CDH18: variants seen among roughly 807,000 people sequenced by gnomAD.
CDH18 encodes the protein cadherin 18.
CDH18 carries 31 observed loss-of-function variants against 67.9 expected under a neutral mutation model. The ratio of observed to expected loss-of-function variants is 0.46; its 90% CI spans 0.34 to 0.62. The LOEUF is 0.62. Among genes scored for constraint, CDH18 ranks in the 20% least tolerant of loss-of-function variants. The pLI is 0.01. For missense variants in CDH18, 890 were observed against 975.5 expected (o/e 0.91, Z 1.17); for synonymous variants, 362 against 347.2 (o/e 1.04, Z -0.48).
At chr5:19,778,868 C>T (rs1774731605) in intron 3 of CDH18, among the ~76,000 whole-genome samples, 1 of 152,142 alleles carries the variant, frequency 6.6e-6, no homozygotes, top group Non-Finnish European at 1.5e-5. Flanking sequence ...CCTAGCTCTG[C>T]AGCCCCTGTT....
chr5:20,354,901 C>T lies in CDH18; in HGVS notation c.-579-99396G>A, dbSNP rs528376879. Among the ~76,000 whole-genome samples the T allele has an allele frequency of 1.1e-3, 165 of 152,238 alleles. 3 individuals carry two copies. Among genetic ancestry groups the T allele is most frequent in the African/African-American group, 3.9e-3 (162 of 41,538 alleles). On this transcript the variant is annotated intron_variant, in intron 1 of 14. Transcript: ENST00000507958. ...GAAATCAGTTACTTTATGATATCTACAACCCTTCTGCATGAAAGGTATGCT... is the reference window on the plus strand; with the variant it reads ...GAAATCAGTTACTTTATGATATCTATAACCCTTCTGCATGAAAGGTATGCT...
chr5:20,121,321 G>A (rs1315470318), intron 2 of CDH18, among the ~76,000 whole-genome samples: 1 of 152,096 alleles, frequency 6.6e-6, no homozygotes, highest in Non-Finnish European at 1.5e-5. Flanking sequence ...CTACAGGAAG[G>A]ATTAAAGAAA....
intron 2 of CDH18, among the ~76,000 whole-genome samples, chr5:19,994,855 T>TATATAGAGAGAGAGAGAGAGAGAGAG (rs760777430): frequency 7.4e-5 from 5 of 67,584 alleles, no homozygotes; most frequent in African/African-American, 1.5e-4. Flanking sequence ...TATATATATA[T>TATATAGAGAGAGAGAGAGAGAGAGAG]AGAGAGAGAG....
chr5:19,846,219 T>C (rs1432467329), intron 2 of CDH18, among the ~76,000 whole-genome samples: 5 of 152,080 alleles, frequency 3.3e-5, no homozygotes, highest in Non-Finnish European at 5.9e-5. Flanking sequence ...ACAGAAACCT[T>C]CTTATAGTTA....
intron 1 of CDH18, among the ~76,000 whole-genome samples, chr5:20,426,098 T>A (rs78899266): frequency 0.047 from 7,127 of 151,226 alleles, 975 homozygotes; most frequent in African/African-American, 0.17. Context: ...TGAACACAGA[T>A]TACATTATTC....
At chr5:20,543,167 TA>T (rs1327295216) in intron 1 of CDH18, among the ~76,000 whole-genome samples, 6 of 152,068 alleles carry the variant, frequency 3.9e-5, no homozygotes, top group African/African-American at 1.4e-4. Context: ...ATCAAGTTGA[TA>T]AATAGATGGT....
chr5:19,934,100 T>G (rs1331705341), intron 2 of CDH18, among the ~76,000 whole-genome samples: 3 of 150,520 alleles, frequency 2.0e-5, no homozygotes, highest in Non-Finnish European at 4.5e-5. Context: ...ATCCTAGTAC[T>G]TAGGACAACA....
intron 6 of CDH18, among the ~76,000 whole-genome samples, chr5:19,606,517 A>G (rs187679973): frequency 1.3e-5 from 2 of 152,160 alleles, no homozygotes; most frequent in Admixed American, 6.6e-5. Context: ...AAAAATGTCA[A>G]TGCTGAAGTG....
intron 2 of CDH18, among the ~76,000 whole-genome samples, chr5:20,194,255 C>A (rs916814657): frequency 6.6e-6 from 1 of 152,064 alleles, no homozygotes; most frequent in African/African-American, 2.4e-5. Flanking sequence ...TGATAAGCAA[C>A]TTCAGCAAAG....
chr5:19,496,012 G>C (rs1015145894), intron 11 of CDH18, among the ~76,000 whole-genome samples: 4 of 152,104 alleles, frequency 2.6e-5, no homozygotes, highest in Admixed American at 6.6e-5. Flanking sequence ...AAAGACATTT[G>C]TTACATTCAA....
intron 2 of CDH18, among the ~76,000 whole-genome samples, chr5:20,200,922 C>T (rs923560848): frequency 6.6e-6 from 1 of 151,972 alleles, no homozygotes; most frequent in Non-Finnish European, 1.5e-5. Context: ...AAAAATCACT[C>T]CTTTTTCATA....
At position 20,190,790 on chromosome 5, in the gene CDH18, A is replaced by G. The variant is rs528496354; in HGVS notation, c.-518+64654T>C. Among the ~76,000 whole-genome samples, 3 of 152,276 alleles carry G rather than the reference A, an allele frequency of 2.0e-5. No individual in the cohort carries two copies. The East Asian group carries it at 5.8e-4, about 29-fold the overall frequency. On this transcript the variant is annotated intron_variant, in intron 2 of 14. Coordinates refer to the CDH18 transcript ENST00000507958. Reference sequence around the variant, plus strand: ...AGGGAATGAGAGACCTATTACCACCAGCTAAATCTGATACATTTCCTTCCT... The same window carrying G: ...AGGGAATGAGAGACCTATTACCACCGGCTAAATCTGATACATTTCCTTCCT...
At chr5:20,207,278 G>A (rs542014138) in intron 2 of CDH18, among the ~76,000 whole-genome samples, 2 of 151,776 alleles carry the variant, frequency 1.3e-5, no homozygotes, top group Non-Finnish European at 2.9e-5. Flanking sequence ...TTTAGCCAAA[G>A]CAGTGAAAAG....
At position 19,904,492 on chromosome 5, in the gene CDH18, T is replaced by TTAAG. The variant is rs369874056; in HGVS notation, c.-256-65254_-256-65251dup. The stretch of plus-strand genomic sequence containing the variant: ...GGAGAGACACTTGAGGGTATAAGAT[T>TTAAG]TAAGTATCTATGCCTACCTTAGGGA... On this transcript the variant is annotated intron_variant, in intron 2 of 12. Transcript: ENST00000382275. Among the ~76,000 whole-genome samples the TTAAG allele has an allele frequency of 4.0e-3, 602 of 151,796 alleles. 5 individuals carry two copies. Among genetic ancestry groups the TTAAG allele is most frequent in the African/African-American group, 0.014 (579 of 41,418 alleles).
At chr5:20,177,207 G>A (rs1166991317) in intron 2 of CDH18, among the ~76,000 whole-genome samples, 2 of 152,046 alleles carry the variant, frequency 1.3e-5, no homozygotes, top group East Asian at 1.9e-4. Context: ...AAATGCAGTA[G>A]TAACAGTTTC....
chr5:19,912,746 A>G (rs968887605), intron 2 of CDH18, among the ~76,000 whole-genome samples: 5 of 152,178 alleles, frequency 3.3e-5, no homozygotes, highest in Admixed American at 2.0e-4. Context: ...AATGAATCAC[A>G]TCAAATGAAA....
chr5:19,737,656 GGT>G (rs1392156941), intron 4 of CDH18, among the ~76,000 whole-genome samples: 1 of 151,998 alleles, frequency 6.6e-6, no homozygotes, highest in African/African-American at 2.4e-5. Context: ...TTAGAAATCA[GGT>G]TCAATTAAAA....
chr5:19,819,973 C>T (rs1338360488), intron 3 of CDH18, among the ~76,000 whole-genome samples: 1 of 152,116 alleles, frequency 6.6e-6, no homozygotes, highest in Non-Finnish European at 1.5e-5. Context: ...GAGCAGTTTG[C>T]CCCTCCCCAG....
chr5:20,515,524 C>T (rs747133958), intron 1 of CDH18, among the ~76,000 whole-genome samples: 2 of 151,952 alleles, frequency 1.3e-5, no homozygotes, highest in African/African-American at 2.4e-5. Context: ...CACCTAGATA[C>T]GCATTTGTCT....
Sources: gnomAD v4.1 joint callset for allele counts (sites outside exome capture counted in the v4.1 genomes callset) on GRCh38, gnomAD v4.1.1 for gene constraint, MANE v1.5 for transcripts, NCBI Gene and HGNC (gene_info 2026-07-23, HGNC 2026-07-21) for gene names.